Variants in SARDH observed in about 807,000 individuals in gnomAD.
SARDH encodes sarcosine dehydrogenase.
Under a neutral mutation model 109.1 loss-of-function variants are expected in SARDH, and 95 were observed. The observed-to-expected ratio is 0.87, with a 90% CI of 0.74 to 1.03. The LOEUF (loss-of-function observed/expected upper bound fraction) is 1.03. Among genes scored for constraint, SARDH ranks in the 50% least tolerant of loss-of-function variants. SARDH has a pLI of 0.00. For synonymous variants in SARDH, 572 were observed against 534.8 expected, an observed-to-expected ratio of 1.07 and a Z score of -0.96; for missense variants, 1,267 against 1,287.8, an observed-to-expected ratio of 0.98 and a Z score of 0.25.
At chr9:133,677,638 G>A (rs989036105) in intron 17 of SARDH, among the ~76,000 whole-genome samples, 1 of 152,214 alleles carries the variant, frequency 6.6e-6, no homozygotes, top group African/African-American at 2.4e-5. Flanking sequence ...AAAGGGTTGG[G>A]GCAGGGGTCC....
At chr9:133,670,272 T>C (rs868838066) in intron 19 of SARDH, among the ~76,000 whole-genome samples, 31 of 142,642 alleles carry the variant, frequency 2.2e-4, no homozygotes, top group Middle Eastern at 3.7e-3. Flanking sequence ...GAGGTTGCAG[T>C]GAGCCGAGAT....
intron 18 of SARDH, among the ~76,000 whole-genome samples, 180 bp downstream of exon 18, chr9:133,671,355 T>A (rs1329732323): frequency 6.6e-6 from 1 of 151,856 alleles, no homozygotes; most frequent in Non-Finnish European, 1.5e-5. Context: ...AGCAAGAGGT[T>A]TTGGGGAAAT....
rs1025151827 is a variant in SARDH at position 133,686,044 on chromosome 9, G to A, written c.2070-758C>T. 6.6e-6 allele frequency among the ~76,000 whole-genome samples: 1 copy of A among 152,128 alleles called. No homozygotes were observed. The highest frequency in any genetic ancestry group is 1.5e-5 in the Non-Finnish European group (1 of 67,988). ...ACCTCCTAGGGGACTGTCACCTACC[G>A]AGGGCAGGGCTGCACCTGAGTGCCA... On this transcript the variant is annotated intron_variant, in intron 16 of 20. Transcript: ENST00000439388. This position sits in a 1 kb window ranked among gnomAD's most constrained non-coding sequence, Gnocchi z 4.0.
rs566593998 is a variant in SARDH at position 133,700,727 on chromosome 9, A to G, written c.1668+2189T>C. 2.4e-4 allele frequency among the ~76,000 whole-genome samples: 30 copies of G among 127,584 alleles called. No homozygotes were observed. In the East Asian group the frequency reaches 5.8e-3, roughly 25 times the overall value. The allele number at this position is 127,584 out of a possible 152,430, so 83.7% of individuals were successfully genotyped here. On this transcript the variant is annotated intron_variant, in intron 13 of 20. Coordinates refer to ENST00000439388, the MANE Select transcript of SARDH (RefSeq NM_001134707.2). ...AGCTGTTTTCAAAGCACACACACAC[A>G]CACGCACGCGCACACACACACACAC...
chr9:133,669,496 CGGGAG>C (rs1830258908), intron 19 of SARDH, among the ~76,000 whole-genome samples: 1 of 151,526 alleles, frequency 6.6e-6, no homozygotes, highest in Non-Finnish European at 1.5e-5. Context: ...GTGGGCACCA[CGGGAG>C]GGCCTCTGAT....
At chr9:133,675,219 T>C (rs1830476128) in intron 17 of SARDH, among the ~76,000 whole-genome samples, 1 of 151,902 alleles carries the variant, frequency 6.6e-6, no homozygotes, top group Non-Finnish European at 1.5e-5. Context: ...GGCATGGTGG[T>C]GCATGCCTGT....
At chr9:133,730,412 A>C (rs551478700) in intron 4 of SARDH, among the ~76,000 whole-genome samples, 1 of 151,638 alleles carries the variant, frequency 6.6e-6, no homozygotes, top group South Asian at 2.1e-4. Context: ...AAGTTCTTTC[A>C]CTTGACTTGT....
At chr9:133,688,725 C>A (rs1830977505) in intron 16 of SARDH, among the ~76,000 whole-genome samples, 1 of 152,236 alleles carries the variant, frequency 6.6e-6, no homozygotes, top group African/African-American at 2.4e-5. Context: ...GGCCTTTGCA[C>A]CTGCTGTTAC....
intron 1 of SARDH, among the ~76,000 whole-genome samples, chr9:133,737,798 C>T (rs1334738861): frequency 6.6e-6 from 1 of 152,258 alleles, no homozygotes; most frequent in African/African-American, 2.4e-5. Flanking sequence ...GAAACAGCTG[C>T]CTCCACATTA....
At chr9:133,720,104 C>T (rs1178176037) in intron 6 of SARDH, among the ~76,000 whole-genome samples, 4 of 145,790 alleles carry the variant, frequency 2.7e-5, no homozygotes, top group East Asian at 2.1e-4. Context: ...AGCAAGACTC[C>T]GTCTCAAAAT....
intron 13 of SARDH, among the ~76,000 whole-genome samples, chr9:133,701,524 C>T (rs1160398780): frequency 6.6e-6 from 1 of 152,382 alleles, no homozygotes; most frequent in Non-Finnish European, 1.5e-5. Context: ...TGCTTTAGGA[C>T]GGCTTCAGGC....
intron 19 of SARDH, among the ~76,000 whole-genome samples, chr9:133,668,395 CTCTCCCT>C (rs200729804): frequency 1.2e-5 from 1 of 80,804 alleles, no homozygotes; most frequent in Non-Finnish European, 2.5e-5. Flanking sequence ...CTCCCTCTCC[CTCTCCCT>C]TCACCCTCCC....
At chr9:133,714,406 A>G (rs1325433890) in intron 8 of SARDH, among the ~76,000 whole-genome samples, 1 of 152,182 alleles carries the variant, frequency 6.6e-6, no homozygotes, top group African/African-American at 2.4e-5. Flanking sequence ...CTGGGTTATC[A>G]GGGCAGAGGG....
At chr9:133,683,427 C>A (rs1010500927) in intron 17 of SARDH, among the ~76,000 whole-genome samples, 7 of 152,258 alleles carry the variant, frequency 4.6e-5, no homozygotes, top group Non-Finnish European at 8.8e-5. Flanking sequence ...CCCCCCTCCC[C>A]TTCTGCAAAC....
At chr9:133,683,851 G>A (rs965040530) in intron 17 of SARDH, among the ~76,000 whole-genome samples, 1 of 152,190 alleles carries the variant, frequency 6.6e-6, no homozygotes, top group African/African-American at 2.4e-5. Flanking sequence ...CGAACATACA[G>A]GAAGGAGAGA....
intron 4 of SARDH, 96 bp downstream of exon 4, chr9:133,731,209 G>C: frequency 6.7e-7 from 1 of 1,484,490 alleles, no homozygotes; most frequent in Non-Finnish European, 9.1e-7. Flanking sequence ...AGCAGTCAGA[G>C]AATGGCTCTT....
At chr9:133,691,707 G>GATCT (rs1461594619) in intron 15 of SARDH, among the ~76,000 whole-genome samples, 8 of 152,200 alleles carry the variant, frequency 5.3e-5, no homozygotes, top group African/African-American at 1.9e-4. Context: ...GCTCCGTGGT[G>GATCT]ATCTGATGCA....
intron 16 of SARDH, among the ~76,000 whole-genome samples, 181 bp from the exon 17 acceptor site, chr9:133,685,467 G>A (rs370488983): frequency 6.6e-6 from 1 of 152,230 alleles, no homozygotes; most frequent in South Asian, 2.1e-4. Context: ...ACATAAGACA[G>A]CCACCTTCCA....
rs1830062397 is a variant in SARDH at position 133,666,348 on chromosome 9, G to A, written c.2631+387C>T. 6.6e-6 allele frequency among the ~76,000 whole-genome samples: 1 copy of A among 152,140 alleles called. No individual in the cohort carries two copies. Among genetic ancestry groups the A allele is most frequent in the Non-Finnish European group, 1.5e-5 (1 of 68,016 alleles). On this transcript the variant is annotated intron_variant, in intron 20 of 20. Transcript: ENST00000439388. This position sits in a 1 kb window ranked among gnomAD's most constrained non-coding sequence, Gnocchi z 5.2. ...CTGGAAGGTATCAGCCTGGCTGGCT[G>A]GCACCTCCTTCTAACCAAAAAAAGC...
Sources: allele counts gnomAD v4.1 joint callset (sites outside exome capture counted in the v4.1 genomes callset), GRCh38; gene constraint gnomAD v4.1.1; non-coding constraint Gnocchi (gnomAD v3.1); transcripts MANE v1.5; gene names NCBI Gene and HGNC (gene_info 2026-07-23, HGNC 2026-07-21).